Variants in PIWIL2 observed in about 807,000 individuals in gnomAD.
PIWIL2 encodes the protein piwi-like protein 2.
A neutral mutation model predicts 116.5 loss-of-function variants in PIWIL2; 81 were observed. The ratio of observed to expected loss-of-function variants is 0.70; its 90% confidence interval spans 0.58 to 0.84. The LOEUF is 0.84. PIWIL2 is among the 40% of genes least tolerant of loss of function. The probability of loss-of-function intolerance (pLI) is 0.00; values close to 1 mark genes in which losing one functional copy is unlikely to be tolerated. For missense variants in PIWIL2, 1,272 were observed against 1,212.3 expected (o/e 1.05, Z -0.73); for synonymous variants, 489 against 429.5 (o/e 1.14, Z -1.71).
At chr8:22,275,520 CG>C (rs1830341820) in intron 1 of PIWIL2, 122 bp downstream of exon 1, 2 of 151,840 alleles carry the variant, frequency 1.3e-5, no homozygotes, top group African/African-American at 4.8e-5. Context: ...CCTCCCACTT[CG>C]GGGAGCTGCT....
rs750488152 is a variant in PIWIL2 at position 22,308,088 on chromosome 8, G to A, written c.1686+15G>A. The stretch of plus-strand genomic sequence containing the variant: ...ATGTACATAAGGTAAACCAAAAAAC[G>A]TGATGGTGTATGCACATGTACAGAG... On this transcript the variant is annotated intron_variant, in intron 14 of 22. Coordinates refer to ENST00000356766, the MANE Select transcript of PIWIL2 (RefSeq NM_018068.5). 17 of 1,609,700 alleles carry A rather than the reference G, an allele frequency of 1.1e-5. No individual in the cohort carries two copies. The East Asian group carries it at 1.1e-4, about 11-fold the overall frequency.
At chr8:22,325,958 C>T (rs1831715536) in intron 20 of PIWIL2, among the ~76,000 whole-genome samples, 1 of 152,150 alleles carries the variant, frequency 6.6e-6, no homozygotes, top group Admixed American at 6.5e-5. Context: ...GGGGAATCTG[C>T]TCCATAGCCA....
At chr8:22,304,659 T>C (rs945093895) in intron 11 of PIWIL2, 125 bp from the exon 12 acceptor site, 90 of 575,952 alleles carry the variant, frequency 1.6e-4, no homozygotes, top group Non-Finnish European at 1.2e-4. Flanking sequence ...CGGTTTGCAG[T>C]GGCTCCTTGA....
chr8:22,309,898 G>A (rs1261048484), intron 14 of PIWIL2, 63 bp from the exon 15 acceptor site: 8 of 911,966 alleles, frequency 8.8e-6, no homozygotes, highest in East Asian at 4.8e-5. Flanking sequence ...TAGAGCAGTA[G>A]CAGTGTTTTT....
intron 20 of PIWIL2, among the ~76,000 whole-genome samples, chr8:22,322,740 T>G (rs1359343716): frequency 6.6e-6 from 1 of 151,970 alleles, no homozygotes; most frequent in Non-Finnish European, 1.5e-5. Flanking sequence ...GGGATTTCAC[T>G]GTGTTGGCCA....
At chr8:22,348,135 T>C (rs1832271178) in intron 20 of PIWIL2, among the ~76,000 whole-genome samples, 1 of 151,816 alleles carries the variant, frequency 6.6e-6, no homozygotes, top group Admixed American at 6.6e-5. Context: ...ACCCCATCTC[T>C]ACTAAAAATA....
rs1490391528 is a variant in PIWIL2 at position 22,287,509 on chromosome 8, C to T, written c.744-19C>T. The T allele has an allele frequency of 6.6e-7, 1 of 1,506,542 alleles. No homozygotes were observed. Among genetic ancestry groups the T allele is most frequent in the South Asian group, 1.1e-5 (1 of 88,932 alleles). 93.3% of individuals were successfully genotyped at this position (1,506,542 alleles called of 1,614,324 possible). A position where few individuals can be genotyped will look rare whatever the true frequency, so the allele number is the denominator to read the frequency against. ...AGTTTGAGTCAAGTTAAAGGAAAATCCTCTTCATTATTTTCCAGCCCCAAT... is the reference window on the plus strand; with the variant it reads ...AGTTTGAGTCAAGTTAAAGGAAAATTCTCTTCATTATTTTCCAGCCCCAAT... On this transcript the variant is annotated intron_variant, in intron 6 of 22. Transcript: ENST00000356766.
chr8:22,285,272 C>G (rs187891906), intron 6 of PIWIL2, among the ~76,000 whole-genome samples: 3 of 152,290 alleles, frequency 2.0e-5, no homozygotes, highest in Non-Finnish European at 4.4e-5. Flanking sequence ...ACTCTCTGTT[C>G]ACAATGAGTT....
chr8:22,289,570 G>A (rs531781043), intron 8 of PIWIL2, among the ~76,000 whole-genome samples: 5 of 152,218 alleles, frequency 3.3e-5, no homozygotes, highest in Non-Finnish European at 4.4e-5. Flanking sequence ...AGTTAGTGGT[G>A]AAAAGTAACG....
intron 4 of PIWIL2, among the ~76,000 whole-genome samples, chr8:22,282,532 C>T (rs527661586): frequency 6.6e-6 from 1 of 151,900 alleles, no homozygotes; most frequent in South Asian, 2.1e-4. Flanking sequence ...CTCCTCTATT[C>T]TGCTATGGAA....
rs1832497633 is a variant in PIWIL2, at chr8:22,356,723, T to C, written c.*1218T>C. The stretch of plus-strand genomic sequence containing the variant: ...GCTGTTGGCTCACTTTGCTGGAATT[T>C]TTCTGAATCCAGGTTAAGATTTCCA... On this transcript the variant is annotated 3_prime_UTR_variant, in exon 23 of 23. Transcript: ENST00000356766. 6.6e-6 allele frequency: 1 copy of C among 152,184 alleles called. No homozygotes were observed. The highest frequency in any genetic ancestry group is 2.1e-4 in the South Asian group (1 of 4,824). 9.4% of individuals were successfully genotyped at this position (152,184 alleles called of 1,614,324 possible).
chr8:22,319,444 C>T (rs1453815835), intron 20 of PIWIL2, among the ~76,000 whole-genome samples: 3 of 152,172 alleles, frequency 2.0e-5, no homozygotes, highest in African/African-American at 7.2e-5. Flanking sequence ...TCTGTGAAGA[C>T]TTTTCCCTTC....
Position 22,310,049 on chromosome 8 carries a change from T to C in PIWIL2, c.1775T>C (p.Val592Ala), listed in dbSNP as rs567995944. ...TSQELNWVKE[V>A]TRDPSILTIP... ...CAGGAACTAAACTGGGTTAAGGAAG[T>C]AACCAGAGACCCTTCCATCTTGACT... is the stretch of plus-strand genomic sequence containing the variant. The change falls in exon 15 of 23, where the codon GTA (valine) becomes GCA (alanine). Residue 592 changes from valine to alanine, a missense_variant. Transcript: ENST00000356766. The C allele has an allele frequency of 6.3e-7, 1 of 1,598,486 alleles. No individual in the cohort carries two copies. The highest frequency in any genetic ancestry group is 2.2e-5 in the East Asian group (1 of 44,824).
intron 13 of PIWIL2, among the ~76,000 whole-genome samples, chr8:22,306,348 G>A (rs920838656): frequency 6.6e-6 from 1 of 152,240 alleles, no homozygotes; most frequent in Non-Finnish European, 1.5e-5. Flanking sequence ...ATGACCATGG[G>A]TGAGGTTCTT....
intron 20 of PIWIL2, among the ~76,000 whole-genome samples, chr8:22,346,839 G>C (rs1489911803): frequency 6.6e-6 from 1 of 152,098 alleles, no homozygotes; most frequent in Non-Finnish European, 1.5e-5. Flanking sequence ...CTGAGTTCAG[G>C]TGTTTGAGAC....
intron 8 of PIWIL2, among the ~76,000 whole-genome samples, chr8:22,289,489 G>A (rs1055837065): frequency 6.6e-6 from 1 of 152,138 alleles, no homozygotes; most frequent in Non-Finnish European, 1.5e-5. Flanking sequence ...TGAACTGCCA[G>A]GAGTAAACAT....
chr8:22,340,100 T>G (rs1466213561), intron 20 of PIWIL2, among the ~76,000 whole-genome samples: 1 of 132,764 alleles, frequency 7.5e-6, no homozygotes, highest in Non-Finnish European at 1.5e-5. Flanking sequence ...TTGCCCAGGC[T>G]GAAGTGCAAT....
intron 20 of PIWIL2, among the ~76,000 whole-genome samples, chr8:22,326,211 TAAA>T (rs879742594): frequency 6.9e-6 from 1 of 145,226 alleles, no homozygotes. Flanking sequence ...TTGCTTGCTT[TAAA>T]AAAAAAAAAA....
chr8:22,305,805 A>C, intron 12 of PIWIL2, 122 bp from the exon 13 acceptor site: 1 of 697,286 alleles, frequency 1.4e-6, no homozygotes, highest in Non-Finnish European at 2.6e-6. Context: ...CCAGGATTTT[A>C]TACTCCTTAG....
Sources: gnomAD v4.1 joint callset for allele counts (sites outside exome capture counted in the v4.1 genomes callset) on GRCh38, gnomAD v4.1.1 for gene constraint, MANE v1.5 for transcripts, NCBI Gene and HGNC (gene_info 2026-07-23, HGNC 2026-07-21) for gene names.